The following CAP2 variants were observed in gnomAD, a reference collection of about 807,000 sequenced individuals.
CAP2 encodes the protein cyclase associated actin cytoskeleton regulatory protein 2, also known as adenylyl cyclase-associated protein 2.
A neutral mutation model predicts 57.7 loss-of-function variants in CAP2; 24 were observed. The observed-to-expected ratio is 0.42, with a 90% CI of 0.30 to 0.58. CAP2 has a LOEUF of 0.58. Ranked by LOEUF, CAP2 falls within the 20% of genes least tolerant of loss-of-function variation. The pLI, the probability that CAP2 is intolerant of heterozygous loss-of-function variation, is 0.22. For missense variants in CAP2, 501 were observed against 590.3 expected, an observed-to-expected ratio of 0.85 and a Z score of 1.57; for synonymous variants, 194 against 207.2, an observed-to-expected ratio of 0.94 and a Z score of 0.55.
At chr6:17,461,036 C>G (rs1307710759) in intron 3 of CAP2, among the ~76,000 whole-genome samples, 1 of 152,140 alleles carries the variant, frequency 6.6e-6, no homozygotes, top group Non-Finnish European at 1.5e-5. Context: ...GTGGCCCCAA[C>G]TACTCAGGAG....
At chr6:17,485,700 A>C (rs1761402646) in intron 4 of CAP2, among the ~76,000 whole-genome samples, 1 of 152,270 alleles carries the variant, frequency 6.6e-6, no homozygotes, top group Non-Finnish European at 1.5e-5. Context: ...TGGAAATCTA[A>C]ATGCCAGCCA....
intron 4 of CAP2, among the ~76,000 whole-genome samples, chr6:17,469,191 G>C (rs1406035078): frequency 6.6e-6 from 1 of 152,220 alleles, no homozygotes; most frequent in Non-Finnish European, 1.5e-5. Context: ...ACTATCATTC[G>C]GGGAATTCCT....
intron 1 of CAP2, among the ~76,000 whole-genome samples, chr6:17,403,011 C>T (rs1245646305): frequency 6.6e-6 from 1 of 152,156 alleles, no homozygotes; most frequent in Non-Finnish European, 1.5e-5. Flanking sequence ...TCCATCTCCT[C>T]ATTATGTTTC....
At chr6:17,421,421 A>G in intron 1 of CAP2, 134 bp from the exon 2 acceptor site, 1 of 890,274 alleles carries the variant, frequency 1.1e-6, no homozygotes, top group Non-Finnish European at 1.8e-6. Flanking sequence ...ATACAATTTC[A>G]TGGTTAAAAA....
intron 1 of CAP2, among the ~76,000 whole-genome samples, chr6:17,401,638 G>A (rs755600638): frequency 6.6e-6 from 1 of 152,228 alleles, no homozygotes; most frequent in Non-Finnish European, 1.5e-5. Context: ...AATGCAGATA[G>A]TCTATCTCTC....
chr6:17,397,395 T>C lies in CAP2; in HGVS notation c.-2+3649T>C, dbSNP rs149206973. 3.3e-3 allele frequency among the ~76,000 whole-genome samples: 498 copies of C among 151,930 alleles called. 3 individuals carry two copies. The highest frequency in any genetic ancestry group is 0.011 in the African/African-American group (470 of 41,500). On this transcript the variant is annotated intron_variant, in intron 1 of 12. Transcript: ENST00000229922. Reference sequence around the variant, plus strand: ...TTCTTAAAATTCAACATTAGGTCATTAAGAATTACCCACATTGGGCTGGGC... The same window carrying C: ...TTCTTAAAATTCAACATTAGGTCATCAAGAATTACCCACATTGGGCTGGGC...
At chr6:17,452,170 A>C (rs1760422276) in intron 3 of CAP2, among the ~76,000 whole-genome samples, 1 of 152,218 alleles carries the variant, frequency 6.6e-6, no homozygotes. Flanking sequence ...ATGAGATATT[A>C]AAATGCCGAC....
intron 6 of CAP2, among the ~76,000 whole-genome samples, chr6:17,512,474 G>A (rs1427229122): frequency 6.6e-6 from 1 of 151,964 alleles, no homozygotes; most frequent in East Asian, 1.9e-4. Flanking sequence ...CATGTGTGTT[G>A]TATGTACATA....
At chr6:17,524,898 T>C (rs6937338) in intron 7 of CAP2, among the ~76,000 whole-genome samples, 498 of 79,926 alleles carry the variant, frequency 6.2e-3, no homozygotes, top group Non-Finnish European at 0.014. Context: ...CTTTTCTTTT[T>C]TTTTTTTTTT....
At chr6:17,482,146 C>T (rs75429016) in intron 4 of CAP2, among the ~76,000 whole-genome samples, 3,534 of 152,240 alleles carry the variant, frequency 0.023, 145 homozygotes, top group African/African-American at 0.081. Flanking sequence ...TAGGTGTATT[C>T]GTCAGCTAGG....
intron 3 of CAP2, among the ~76,000 whole-genome samples, chr6:17,440,985 A>C (rs1183832272): frequency 6.6e-6 from 1 of 151,318 alleles, no homozygotes; most frequent in Middle Eastern, 3.2e-3. Context: ...CCGTGTCGCT[A>C]CAAAGGACAT....
At chr6:17,525,101 C>A (rs1172396364) in intron 7 of CAP2, among the ~76,000 whole-genome samples, 1 of 151,698 alleles carries the variant, frequency 6.6e-6, no homozygotes, top group Non-Finnish European at 1.5e-5. Context: ...TGGGGTTTCA[C>A]CATGTTGGCC....
intron 3 of CAP2, among the ~76,000 whole-genome samples, chr6:17,456,001 G>C (rs1265698155): frequency 6.6e-6 from 1 of 152,204 alleles, no homozygotes; most frequent in Admixed American, 6.5e-5. Context: ...GATGGCCTCT[G>C]AGCTGTTTTG....
At chr6:17,477,293 C>T (rs1761175728) in intron 4 of CAP2, among the ~76,000 whole-genome samples, 1 of 152,196 alleles carries the variant, frequency 6.6e-6, no homozygotes, top group Admixed American at 6.5e-5. Context: ...GCAGGGCTGC[C>T]TGCGCTGTTA....
At chr6:17,438,093 C>T (rs998344754) in intron 3 of CAP2, among the ~76,000 whole-genome samples, 2 of 146,874 alleles carry the variant, frequency 1.4e-5, no homozygotes, top group Admixed American at 6.7e-5. Flanking sequence ...GCTGGCCAGG[C>T]GTGGTGGCTC....
intron 7 of CAP2, chr6:17,531,719 T>A: frequency 1.6e-6 from 1 of 624,548 alleles, no homozygotes; most frequent in Non-Finnish European, 2.8e-6. Flanking sequence ...TACTTAAAGT[T>A]GGAGATCAAT....
At chr6:17,541,875 G>T (rs1762910913) in intron 9 of CAP2, among the ~76,000 whole-genome samples, 1 of 152,124 alleles carries the variant, frequency 6.6e-6, no homozygotes, top group South Asian at 2.1e-4. Context: ...TATTTTCACA[G>T]GTTCTCATGC....
At chr6:17,422,311 G>A (rs547955717) in intron 2 of CAP2, among the ~76,000 whole-genome samples, 47 of 150,360 alleles carry the variant, frequency 3.1e-4, no homozygotes, top group African/African-American at 1.0e-3. Flanking sequence ...ACTACGTCAC[G>A]GTGTTTTACC....
chr6:17,414,149 G>A lies in CAP2; in HGVS notation c.-1-7406G>A, dbSNP rs142683260. ...TTTTGATGGACTTACAGAGAAATTA[G>A]TCCATTGTAACTTTATTTTTTGCAG... On this transcript the variant is annotated intron_variant, in intron 1 of 12. Coordinates refer to ENST00000229922, the MANE Select transcript of CAP2 (RefSeq NM_006366.3). Among the ~76,000 whole-genome samples, 7 of 151,964 alleles carry A rather than the reference G, an allele frequency of 4.6e-5. No individual in the cohort carries two copies. In the East Asian group the frequency reaches 1.4e-3, roughly 29 times the overall value.
Sources: allele counts gnomAD v4.1 joint callset (sites outside exome capture counted in the v4.1 genomes callset), GRCh38; gene constraint gnomAD v4.1.1; transcripts MANE v1.5; gene names NCBI Gene and HGNC (gene_info 2026-07-23, HGNC 2026-07-21).